The following WWOX variants were observed in gnomAD, a reference collection of about 807,000 sequenced individuals.
WWOX encodes WW domain containing oxidoreductase, also known as WW domain-containing oxidoreductase.
Under a neutral mutation model 46.2 loss-of-function variants are expected in WWOX, and 69 were observed. The ratio of observed to expected loss-of-function variants is 1.49; its 90% CI spans 1.23 to 1.82. WWOX has a LOEUF of 1.82. Ranked by LOEUF, WWOX falls within the 40% of genes most tolerant of loss-of-function variation. The pLI is 0.00. For synonymous variants in WWOX, 359 were observed against 202.6 expected, an observed-to-expected ratio of 1.77 and a Z score of -6.56; for missense variants, 919 against 542.6, an observed-to-expected ratio of 1.69 and a Z score of -6.89.
rs1012645496 is a variant in WWOX at position 78,773,419 on chromosome 16, C to T, written c.1056+340667C>T. ...CATGGGTAAGTCATTGGCTGCAGAG[C>T]GCAGACATTTGGCTCCCCTCGGGAC... On this transcript the variant is annotated intron_variant, in intron 8 of 8. Coordinates refer to ENST00000566780, the MANE Select transcript of WWOX (RefSeq NM_016373.4). Among the ~76,000 whole-genome samples the T allele has an allele frequency of 7.9e-5, 12 of 152,160 alleles. 1 individual carries two copies. The highest frequency in any genetic ancestry group is 6.5e-4 in the Admixed American group (10 of 15,278).
intron 1 of WWOX, among the ~76,000 whole-genome samples, chr16:78,106,823 C>T (rs1597205266): frequency 1.3e-5 from 2 of 152,160 alleles, no homozygotes; most frequent in Admixed American, 6.5e-5. Context: ...TAATCGTTCT[C>T]CAAGCACTGT....
intron 8 of WWOX, among the ~76,000 whole-genome samples, chr16:78,974,260 A>G: frequency 6.6e-6 from 1 of 152,232 alleles, no homozygotes; most frequent in East Asian, 1.9e-4. Context: ...ACTGTCTCTA[A>G]TGACCGCACA....
intron 8 of WWOX, among the ~76,000 whole-genome samples, chr16:78,746,025 C>T (rs1307653405): frequency 6.6e-6 from 1 of 152,138 alleles, no homozygotes; most frequent in Admixed American, 6.5e-5. Flanking sequence ...CTGTATCCAT[C>T]CACAAGGAGA....
At chr16:78,234,879 T>C (rs1261590621) in intron 5 of WWOX, among the ~76,000 whole-genome samples, 1 of 152,024 alleles carries the variant, frequency 6.6e-6, no homozygotes, top group Non-Finnish European at 1.5e-5. Context: ...GAAGTTGATA[T>C]AGCAGGATCT....
At position 78,996,379 on chromosome 16, in the gene WWOX, C is replaced by G. The variant is rs71398121; in HGVS notation, c.1057-215229C>G. On this transcript the variant is annotated intron_variant, in intron 8 of 8. Transcript: ENST00000566780. ...AGTGTGAGTGAATTCTGCACCCACC[C>G]CCGCCCCCCAGCTTCCCCACCTGTA... 5.4e-4 allele frequency: 394 copies of G among 731,132 alleles called. 26 individuals carry two copies. In the African/African-American group the frequency reaches 7.2e-3, roughly 13 times the overall value. 45.3% of individuals were successfully genotyped at this position (731,132 alleles called of 1,614,324 possible).
intron 8 of WWOX, among the ~76,000 whole-genome samples, chr16:78,451,539 C>A (rs1358491439): frequency 1.3e-5 from 2 of 152,126 alleles, no homozygotes; most frequent in African/African-American, 4.8e-5. Flanking sequence ...CCCAGCCCTT[C>A]CTTTTAGTGA....
At chr16:79,177,548 C>G (rs1459314357) in intron 8 of WWOX, among the ~76,000 whole-genome samples, 1 of 152,120 alleles carries the variant, frequency 6.6e-6, no homozygotes, top group Non-Finnish European at 1.5e-5. Context: ...TCTCTTGTCT[C>G]TAATCAATTC....
intron 8 of WWOX, among the ~76,000 whole-genome samples, chr16:78,637,742 T>A (rs954928670): frequency 1.3e-5 from 2 of 152,174 alleles, no homozygotes; most frequent in African/African-American, 4.8e-5. Context: ...TTTAAACACC[T>A]TTGGTGGCAG....
Position 78,493,541 on chromosome 16 carries a change from A to C in WWOX, c.1056+60789A>C, listed in dbSNP as rs552382954. Among the ~76,000 whole-genome samples, 3 of 152,330 alleles carry C rather than the reference A, an allele frequency of 2.0e-5. No homozygotes were observed. In the South Asian group the frequency reaches 6.2e-4, roughly 32 times the overall value. ...TTCTAGTATCAACTGAGTTCTTTAT[A>C]AAATATCTTTGGGGTGTTTAAGGAG... On this transcript the variant is annotated intron_variant, in intron 8 of 8. Coordinates refer to ENST00000566780, the MANE Select transcript of WWOX (RefSeq NM_016373.4).
At chr16:78,129,289 G>A (rs2033492802) in intron 4 of WWOX, among the ~76,000 whole-genome samples, 1 of 152,110 alleles carries the variant, frequency 6.6e-6, no homozygotes, top group Non-Finnish European at 1.5e-5. Context: ...ACACATGTTT[G>A]CATCTCACTT....
At chr16:78,549,522 T>C (rs930413728) in intron 8 of WWOX, among the ~76,000 whole-genome samples, 1 of 152,196 alleles carries the variant, frequency 6.6e-6, no homozygotes, top group African/African-American at 2.4e-5. Context: ...TCTCGACTTC[T>C]GTGTGTCTCC....
intron 5 of WWOX, among the ~76,000 whole-genome samples, chr16:78,379,354 G>T (rs2081901847): frequency 6.6e-6 from 1 of 152,132 alleles, no homozygotes; most frequent in South Asian, 2.1e-4. Context: ...TCTCTCTGCA[G>T]TTGCACATGA....
At chr16:78,661,561 C>T (rs932513748) in intron 8 of WWOX, among the ~76,000 whole-genome samples, 2 of 139,846 alleles carry the variant, frequency 1.4e-5, no homozygotes, top group Admixed American at 8.3e-5. Context: ...TAAGGTGTTT[C>T]TTATTTTTAT....
chr16:78,132,088 T>G lies in WWOX; in HGVS notation c.409+16934T>G, dbSNP rs563502941. 7.7e-3 allele frequency among the ~76,000 whole-genome samples: 1,143 copies of G among 147,968 alleles called. 23 individuals carry two copies. The highest frequency in any genetic ancestry group is 0.026 in the African/African-American group (1,051 of 39,970). ...CGCCCAGGCTGGAGTGCAGTGGTGCTATCTTGGCTCACTGCAAGCTCCACC... is the reference window on the plus strand; with the variant it reads ...CGCCCAGGCTGGAGTGCAGTGGTGCGATCTTGGCTCACTGCAAGCTCCACC... On this transcript the variant is annotated intron_variant, in intron 4 of 8. Transcript: ENST00000566780.
In WWOX at chr16:78,424,112, T is replaced by TTTTC. The variant is rs1567564585; in HGVS notation, c.606-755_606-754insCTTT. ...TTTTTCTTTTCTTTTCTTTTCTTTT[T>TTTTC]TTTTTTTGTTTTTTTTTTTTTTGGA... On this transcript the variant is annotated intron_variant, in intron 6 of 8. Transcript: ENST00000566780. Among the ~76,000 whole-genome samples the TTTTC allele has an allele frequency of 2.1e-5, 3 of 143,932 alleles. No individual in the cohort carries two copies. The East Asian group carries it at 6.3e-4, about 30-fold the overall frequency. 94.4% of individuals were successfully genotyped at this position (143,932 alleles called of 152,430 possible). A position where few individuals can be genotyped will look rare whatever the true frequency, so the allele number is the denominator to read the frequency against.
chr16:79,065,457 G>A (rs1219321803), intron 8 of WWOX, among the ~76,000 whole-genome samples: 2 of 152,144 alleles, frequency 1.3e-5, no homozygotes, highest in East Asian at 1.9e-4. Context: ...AATGGTCCTC[G>A]TGCACTGGGT....
At chr16:78,612,896 C>T (rs557886819) in intron 8 of WWOX, among the ~76,000 whole-genome samples, 62 of 152,302 alleles carry the variant, frequency 4.1e-4, no homozygotes, top group South Asian at 1.2e-3. Context: ...AACATGAGTG[C>T]TCAAGAAATA....
rs903425026 is a variant in WWOX at position 79,199,593 on chromosome 16, C to T, written c.1057-12015C>T. 2.6e-5 allele frequency among the ~76,000 whole-genome samples: 4 copies of T among 152,144 alleles called. No homozygotes were observed. In the East Asian group the frequency reaches 7.7e-4, roughly 29 times the overall value. ...ATGAGACTGTAGTAACTTCATAGGG[C>T]TCTTGCAAGAGTTCAGCTAAAATTC... is the stretch of plus-strand genomic sequence containing the variant. On this transcript the variant is annotated intron_variant, in intron 8 of 8. Coordinates refer to ENST00000566780, the MANE Select transcript of WWOX (RefSeq NM_016373.4).
At chr16:78,484,132 A>G (rs193031930) in intron 8 of WWOX, among the ~76,000 whole-genome samples, 1 of 152,356 alleles carries the variant, frequency 6.6e-6, no homozygotes, top group African/African-American at 2.4e-5. Flanking sequence ...TTGCATATGT[A>G]TGTAGTGCTT....
Sources: allele counts gnomAD v4.1 joint callset (sites outside exome capture counted in the v4.1 genomes callset), GRCh38; gene constraint gnomAD v4.1.1; transcripts MANE v1.5; gene names NCBI Gene and HGNC (gene_info 2026-07-23, HGNC 2026-07-21).